VEPH1: variants seen among roughly 807,000 people sequenced by gnomAD.
VEPH1 encodes the protein ventricular zone-expressed PH domain-containing protein homolog 1.
In VEPH1, 80 loss-of-function variants were observed where a neutral mutation model predicts 85.2. That is an observed-to-expected ratio of 0.94 (90% confidence interval 0.78 to 1.13). The LOEUF is 1.13. Among genes scored for constraint, VEPH1 ranks in the 50% most tolerant of loss-of-function variants. The pLI is 0.00. For synonymous variants in VEPH1, 297 were observed against 348.0 expected (o/e 0.85, Z 1.63); for missense variants, 955 against 980.5 (o/e 0.97, Z 0.35).
At chr3:157,460,784 C>G (rs1255136122) in intron 3 of VEPH1, among the ~76,000 whole-genome samples, 1 of 152,020 alleles carries the variant, frequency 6.6e-6, no homozygotes, top group Non-Finnish European at 1.5e-5. Flanking sequence ...GAGGGAGTAC[C>G]TGATGGCACT....
At chr3:157,351,389 C>T (rs781432659) in intron 9 of VEPH1, among the ~76,000 whole-genome samples, 4 of 152,080 alleles carry the variant, frequency 2.6e-5, no homozygotes, top group Admixed American at 1.3e-4. Context: ...ATCACTTGAA[C>T]ATCCATGTTG....
chr3:157,385,365 C>A (rs570950309), intron 6 of VEPH1, among the ~76,000 whole-genome samples: 81 of 151,736 alleles, frequency 5.3e-4, no homozygotes, highest in African/African-American at 1.9e-3. Context: ...TCTGTATATA[C>A]AAAATAGATC....
chr3:157,450,164 T>C (rs1406883081), intron 4 of VEPH1, among the ~76,000 whole-genome samples: 1 of 151,528 alleles, frequency 6.6e-6, no homozygotes, highest in Middle Eastern at 3.2e-3. Flanking sequence ...CAAGCTATTT[T>C]CCCACTTCAG....
rs575558085 is a variant in VEPH1 at position 157,370,539 on chromosome 3, C to A, written c.1128-6027G>T. 2.0e-5 allele frequency among the ~76,000 whole-genome samples: 3 copies of A among 152,314 alleles called. 1 individual carries two copies. In the South Asian group the frequency reaches 6.2e-4, roughly 32 times the overall value. ...TCATAGAGAAGATCCCCCAACTTCACAGTGCTAGCATCTGTTTTGGGACTG... is the reference window on the plus strand; with the variant it reads ...TCATAGAGAAGATCCCCCAACTTCAAAGTGCTAGCATCTGTTTTGGGACTG... On this transcript the variant is annotated intron_variant, in intron 7 of 13. Transcript: ENST00000362010.
intron 2 of VEPH1, among the ~76,000 whole-genome samples, chr3:157,486,641 AT>A (rs975394592): frequency 4.6e-5 from 7 of 152,154 alleles, no homozygotes; most frequent in Non-Finnish European, 1.0e-4. Context: ...CATCTATAAA[AT>A]CGGAATATTA....
chr3:157,289,721 T>A (rs1717238078), intron 11 of VEPH1, among the ~76,000 whole-genome samples: 1 of 152,234 alleles, frequency 6.6e-6, no homozygotes, highest in South Asian at 2.1e-4. Flanking sequence ...AATTGCTATA[T>A]GGCTTCTATT....
intron 7 of VEPH1, among the ~76,000 whole-genome samples, chr3:157,369,318 A>G (rs1262410664): frequency 2.0e-5 from 3 of 151,814 alleles, no homozygotes; most frequent in African/African-American, 7.3e-5. Flanking sequence ...AGAAGCAGGG[A>G]GCAAGAGTAG....
chr3:157,278,305 A>G (rs59359862), intron 12 of VEPH1, among the ~76,000 whole-genome samples: 208 of 152,346 alleles, frequency 1.4e-3, no homozygotes, highest in African/African-American at 4.5e-3. Flanking sequence ...GAAGGGAGAG[A>G]GGGAATTCTT....
At chr3:157,476,146 G>A (rs1043953608) in intron 2 of VEPH1, among the ~76,000 whole-genome samples, 1 of 152,134 alleles carries the variant, frequency 6.6e-6, no homozygotes, top group South Asian at 2.1e-4. Context: ...ATAGAGGCTA[G>A]GCATCACCCA....
chr3:157,293,581 CAAAAT>C (rs1717788093), intron 11 of VEPH1, among the ~76,000 whole-genome samples: 1 of 151,446 alleles, frequency 6.6e-6, no homozygotes, highest in South Asian at 2.1e-4. Context: ...ACAAATATGA[CAAAAT>C]AAAAAAAAGC....
At chr3:157,385,080 C>T (rs189081162) in intron 6 of VEPH1, among the ~76,000 whole-genome samples, 5 of 152,204 alleles carry the variant, frequency 3.3e-5, no homozygotes, top group Non-Finnish European at 7.4e-5. Flanking sequence ...CCAAATAATG[C>T]TATAAGTACT....
chr3:157,338,562 A>C (rs1264147691), intron 9 of VEPH1, among the ~76,000 whole-genome samples: 1 of 152,222 alleles, frequency 6.6e-6, no homozygotes, highest in Admixed American at 6.5e-5. Flanking sequence ...CAAATGTTTG[A>C]AAATACCATG....
At chr3:157,481,874 C>G (rs116265484) in intron 2 of VEPH1, among the ~76,000 whole-genome samples, 2,630 of 149,212 alleles carry the variant, frequency 0.018, 38 homozygotes, top group Non-Finnish European at 0.026. Flanking sequence ...TAGTTTTTGA[C>G]TTTGTCAAAA....
chr3:157,328,546 C>A (rs922888342), intron 9 of VEPH1, among the ~76,000 whole-genome samples: 1 of 152,172 alleles, frequency 6.6e-6, no homozygotes, highest in Non-Finnish European at 1.5e-5. Flanking sequence ...GAATAAATTT[C>A]TCTGGGGACA....
At chr3:157,366,928 T>C (rs1230519134) in intron 7 of VEPH1, among the ~76,000 whole-genome samples, 1 of 152,172 alleles carries the variant, frequency 6.6e-6, no homozygotes, top group East Asian at 1.9e-4. Context: ...TTTTTCTGGC[T>C]GGCCCAGAGA....
chr3:157,444,263 G>C (rs1560067683), intron 4 of VEPH1, among the ~76,000 whole-genome samples: 1 of 152,190 alleles, frequency 6.6e-6, no homozygotes, highest in Non-Finnish European at 1.5e-5. Flanking sequence ...CTCTTCATGA[G>C]GTTTGGAGAA....
intron 7 of VEPH1, among the ~76,000 whole-genome samples, chr3:157,367,659 A>G (rs1577462447): frequency 6.6e-6 from 1 of 152,224 alleles, no homozygotes; most frequent in Non-Finnish European, 1.5e-5. Context: ...TGAGCATTAT[A>G]TAAATGTTTT....
intron 12 of VEPH1, 43 bp from the exon 13 acceptor site, chr3:157,265,705 A>G: frequency 6.2e-7 from 1 of 1,603,812 alleles, no homozygotes; most frequent in Non-Finnish European, 8.5e-7. Flanking sequence ...ATTTTCCAAT[A>G]TTTACTAGGT....
At chr3:157,490,331 G>A (rs1012269540) in intron 2 of VEPH1, among the ~76,000 whole-genome samples, 16 of 151,896 alleles carry the variant, frequency 1.1e-4, no homozygotes, top group Non-Finnish European at 2.2e-4. Flanking sequence ...AGTGAGATAT[G>A]CAACCTGCAT....
Sources: gnomAD v4.1 joint callset for allele counts (sites outside exome capture counted in the v4.1 genomes callset) on GRCh38, gnomAD v4.1.1 for gene constraint, MANE v1.5 for transcripts, NCBI Gene and HGNC (gene_info 2026-07-23, HGNC 2026-07-21) for gene names.